The following TRAPPC9 variants were observed in gnomAD, a reference collection of about 807,000 sequenced individuals.
TRAPPC9 encodes trafficking protein particle complex subunit 9, also known as IKK2 binding protein.
Under a neutral mutation model 124.0 loss-of-function variants are expected in TRAPPC9, and 83 were observed. The ratio of observed to expected loss-of-function variants is 0.67; its 90% CI spans 0.56 to 0.80. The LOEUF (loss-of-function observed/expected upper bound fraction) is 0.80. Ranked by LOEUF, TRAPPC9 falls within the 30% of genes least tolerant of loss-of-function variation. The pLI is 0.00. For synonymous variants in TRAPPC9, 638 were observed against 617.5 expected (o/e 1.03, Z -0.49); for missense variants, 1,302 against 1,508.3 (o/e 0.86, Z 2.27).
At chr8:139,941,956 A>G (rs10101940) in intron 19 of TRAPPC9, among the ~76,000 whole-genome samples, 24,457 of 152,252 alleles carry the variant, frequency 0.16, 2,220 homozygotes, top group South Asian at 0.26. Context: ...GGAAGGACAG[A>G]GACACATGAG....
chr8:139,971,796 TATATATAC>T (rs1191776801), intron 19 of TRAPPC9, among the ~76,000 whole-genome samples: 74,732 of 110,042 alleles, frequency 0.68, 20,763 homozygotes, highest in East Asian at 0.79. Context: ...TATACACATA[TATATATAC>T]ATATATATAT....
intron 21 of TRAPPC9, among the ~76,000 whole-genome samples, chr8:139,817,101 C>T (rs978675256): frequency 2.1e-5 from 3 of 143,938 alleles, no homozygotes; most frequent in Admixed American, 7.1e-5. Flanking sequence ...TTCTGAGCAC[C>T]CCCAGGGTGC....
At chr8:139,955,797 C>G (rs1460536607) in intron 19 of TRAPPC9, among the ~76,000 whole-genome samples, 2 of 152,162 alleles carry the variant, frequency 1.3e-5, no homozygotes, top group Admixed American at 1.3e-4. Flanking sequence ...TCTGTGTCCA[C>G]TAACGTCGAG....
At chr8:140,242,030 GAA>G (rs2063867578) in intron 16 of TRAPPC9, among the ~76,000 whole-genome samples, 1 of 152,088 alleles carries the variant, frequency 6.6e-6, no homozygotes, top group Non-Finnish European at 1.5e-5. Context: ...TGGGTTGGCA[GAA>G]AAAGAGAGAC....
At chr8:140,128,929 C>A (rs1338986554) in intron 17 of TRAPPC9, among the ~76,000 whole-genome samples, 1 of 151,116 alleles carries the variant, frequency 6.6e-6, no homozygotes, top group South Asian at 2.1e-4. Context: ...TTTAACAAAC[C>A]TGCACGTTGT....
chr8:140,337,153 G>A (rs1345973708), intron 9 of TRAPPC9, among the ~76,000 whole-genome samples: 1 of 152,134 alleles, frequency 6.6e-6, no homozygotes, highest in Non-Finnish European at 1.5e-5. Context: ...ATCCCAGCTC[G>A]CACACGCAGC....
Position 139,989,283 on chromosome 8 carries a change from G to A in TRAPPC9, c.2700-447C>T, listed in dbSNP as rs1414301987. ...GCTACCAGGTTCCACGCTGGGCCCTGAAGCGTGGTGACGCATGTCCTGCTT... is the reference window on the plus strand; with the variant it reads ...GCTACCAGGTTCCACGCTGGGCCCTAAAGCGTGGTGACGCATGTCCTGCTT... On this transcript the variant is annotated intron_variant, in intron 18 of 22. Coordinates refer to ENST00000438773, the MANE Select transcript of TRAPPC9 (RefSeq NM_001160372.4). Among the ~76,000 whole-genome samples the A allele has an allele frequency of 2.0e-5, 3 of 149,770 alleles. No homozygotes were observed. In the East Asian group the frequency reaches 6.1e-4, roughly 30 times the overall value.
chr8:140,213,235 T>C (rs1231779523), intron 17 of TRAPPC9, among the ~76,000 whole-genome samples: 1 of 152,170 alleles, frequency 6.6e-6, no homozygotes. Flanking sequence ...TAAGTGGCTA[T>C]GTCTATTGTG....
At chr8:140,261,544 T>C (rs1012606216) in intron 15 of TRAPPC9, among the ~76,000 whole-genome samples, 8 of 152,196 alleles carry the variant, frequency 5.3e-5, no homozygotes, top group African/African-American at 1.9e-4. Context: ...AGCATATAAC[T>C]GAAATAAGAC....
intron 21 of TRAPPC9, among the ~76,000 whole-genome samples, chr8:139,790,437 G>A (rs1187157410): frequency 3.9e-5 from 6 of 152,292 alleles, no homozygotes; most frequent in South Asian, 2.1e-4. Flanking sequence ...TATGGGGTTC[G>A]GAGACCACAG....
At chr8:139,835,281 T>C (rs1037884) in intron 21 of TRAPPC9, among the ~76,000 whole-genome samples, 62,100 of 152,168 alleles carry the variant, frequency 0.41, 14,115 homozygotes, top group East Asian at 0.69. Context: ...ATGCTTTTTA[T>C]GTGTTTTACA....
intron 19 of TRAPPC9, chr8:139,933,477 A>C (rs1285264943): frequency 6.6e-6 from 1 of 152,266 alleles, no homozygotes; most frequent in Non-Finnish European, 1.5e-5. Flanking sequence ...GTGGGGGCAG[A>C]ATAGGACCCA....
chr8:139,746,976 T>C (rs1168844641), intron 21 of TRAPPC9, among the ~76,000 whole-genome samples: 4 of 152,066 alleles, frequency 2.6e-5, no homozygotes. Context: ...TTTAGACAAC[T>C]GAAGATAAAC....
chr8:139,797,436 T>C (rs985962771), intron 21 of TRAPPC9, among the ~76,000 whole-genome samples: 9 of 152,162 alleles, frequency 5.9e-5, no homozygotes, highest in African/African-American at 1.9e-4. Context: ...ATTTTTGACT[T>C]TTTAGTAGAG....
chr8:140,098,359 G>A (rs1007220608), intron 17 of TRAPPC9: 7 of 145,362 alleles, frequency 4.8e-5, no homozygotes, highest in Admixed American at 1.4e-4. Context: ...CAATCCACAG[G>A]GTAAAGAGTC....
At chr8:139,954,283 T>G (rs1266967159) in intron 19 of TRAPPC9, among the ~76,000 whole-genome samples, 1 of 152,204 alleles carries the variant, frequency 6.6e-6, no homozygotes, top group Non-Finnish European at 1.5e-5. Flanking sequence ...TAGTTTTTAG[T>G]ATGTCAATTT....
At chr8:140,210,708 CT>C in intron 17 of TRAPPC9, among the ~76,000 whole-genome samples, 1 of 152,340 alleles carries the variant, frequency 6.6e-6, no homozygotes, top group South Asian at 2.1e-4. Context: ...ACAGTCCCAA[CT>C]GCACACCTCT....
chr8:140,073,247 A>T (rs1843293464), intron 17 of TRAPPC9, among the ~76,000 whole-genome samples: 1 of 152,254 alleles, frequency 6.6e-6, no homozygotes, highest in Non-Finnish European at 1.5e-5. Flanking sequence ...AATCATGTCA[A>T]CAAAATTACT....
chr8:139,843,734 A>G (rs1371044643), intron 21 of TRAPPC9, among the ~76,000 whole-genome samples: 1 of 152,212 alleles, frequency 6.6e-6, no homozygotes, highest in Non-Finnish European at 1.5e-5. Flanking sequence ...GGAAACCAGA[A>G]AAGGCAAGGA....
Sources: allele counts gnomAD v4.1 joint callset (sites outside exome capture counted in the v4.1 genomes callset), GRCh38; gene constraint gnomAD v4.1.1; transcripts MANE v1.5; gene names NCBI Gene and HGNC (gene_info 2026-07-23, HGNC 2026-07-21).